The following DECR1 variants were observed in gnomAD, a reference collection of about 807,000 sequenced individuals.
The protein encoded by DECR1 is 2,4-dienoyl-CoA reductase 1, also known as 2,4-dienoyl-CoA reductase [(3E)-enoyl-CoA-producing], mitochondrial.
Under a neutral mutation model 38.8 loss-of-function variants are expected in DECR1, and 44 were observed. The observed-to-expected ratio is 1.13, with a 90% CI of 0.89 to 1.46. DECR1 has a LOEUF of 1.46. Among genes scored for constraint, DECR1 ranks in the 40% most tolerant of loss-of-function variants. DECR1 has a pLI of 0.00. For synonymous variants in DECR1, 148 were observed against 135.2 expected, an observed-to-expected ratio of 1.09 and a Z score of -0.66; for missense variants, 428 against 405.5, an observed-to-expected ratio of 1.06 and a Z score of -0.48.
In DECR1 at chr8:90,021,018, C is replaced by G; in HGVS notation, c.527C>G (p.Thr176Arg). 6.3e-7 allele frequency: 1 copy of G among 1,592,252 alleles called. No homozygotes were observed. The highest frequency in any genetic ancestry group is 1.4e-5 in the African/African-American group (1 of 73,648). Residue 176 changes from threonine to arginine, a missense_variant, in exon 5 of 10, where the codon ACA (threonine) becomes AGA (arginine). Transcript: ENST00000220764. Reference sequence around the variant, plus strand: ...GTTCTAAATGGCACAGCCTTCGTGACACTAGAAATTGGAAAACAACTAATT... The same window carrying G: ...GTTCTAAATGGCACAGCCTTCGTGAGACTAGAAATTGGAAAACAACTAATT... ...DIVLNGTAFV[T>R]LEIGKQLIKA...
At chr8:90,047,499 T>A (rs1483098498) in intron 8 of DECR1, among the ~76,000 whole-genome samples, 19 of 152,222 alleles carry the variant, frequency 1.2e-4, no homozygotes, top group African/African-American at 3.1e-4. Context: ...CTAAATATAT[T>A]TGCACCCAAT....
At chr8:90,038,120 G>A (rs1381157229) in intron 6 of DECR1, among the ~76,000 whole-genome samples, 1 of 152,124 alleles carries the variant, frequency 6.6e-6, no homozygotes, top group Non-Finnish European at 1.5e-5. Flanking sequence ...GATAGTGATG[G>A]AAATAGAACA....
chr8:90,002,476 A>C (rs1812641546), intron 1 of DECR1, among the ~76,000 whole-genome samples: 1 of 152,200 alleles, frequency 6.6e-6, no homozygotes, highest in African/African-American at 2.4e-5. Context: ...TAGGAAGAAG[A>C]AAGAGAAACA....
chr8:90,024,190 G>T (rs140358708), intron 5 of DECR1, among the ~76,000 whole-genome samples: 8 of 152,216 alleles, frequency 5.3e-5, no homozygotes, highest in Admixed American at 3.3e-4. Flanking sequence ...ATGTGCATAT[G>T]TCTTTATAGC....
intron 5 of DECR1, among the ~76,000 whole-genome samples, chr8:90,025,978 A>G (rs1813324845): frequency 6.6e-6 from 1 of 152,196 alleles, no homozygotes; most frequent in Non-Finnish European, 1.5e-5. Context: ...TATTGAGATA[A>G]TAATGTAGTT....
intron 6 of DECR1, 156 bp downstream of exon 6, chr8:90,037,096 A>T (rs971909069): frequency 1.7e-6 from 1 of 593,592 alleles, no homozygotes; most frequent in African/African-American, 1.9e-5. Flanking sequence ...GATAAGTCCT[A>T]TTTGTCTATA....
At chr8:90,033,446 G>A (rs1374621591) in intron 5 of DECR1, among the ~76,000 whole-genome samples, 2 of 152,074 alleles carry the variant, frequency 1.3e-5, no homozygotes, top group African/African-American at 4.8e-5. Flanking sequence ...TTTTCCATGA[G>A]CAGTTATTCT....
At chr8:90,029,196 C>T (rs1813431425) in intron 5 of DECR1, 2 of 152,118 alleles carry the variant, frequency 1.3e-5, no homozygotes, top group Admixed American at 1.3e-4. Context: ...ATAAAATATA[C>T]TTGATAATAA....
At chr8:90,005,207 G>A in intron 1 of DECR1, 1 of 398,610 alleles carries the variant, frequency 2.5e-6, no homozygotes, top group Non-Finnish European at 4.9e-6. Flanking sequence ...AGCGTGTGGA[G>A]ACGAGATCAG....
intron 5 of DECR1, among the ~76,000 whole-genome samples, chr8:90,035,393 C>T (rs1363950599): frequency 3.3e-5 from 5 of 150,686 alleles, no homozygotes; most frequent in African/African-American, 1.2e-4. Flanking sequence ...TTTTTTTTTC[C>T]CATTTGTCTT....
At chr8:90,012,254 G>T (rs539729511) in intron 1 of DECR1, among the ~76,000 whole-genome samples, 110 of 151,826 alleles carry the variant, frequency 7.2e-4, no homozygotes, top group Middle Eastern at 3.4e-3. Context: ...CTGGGTTCAA[G>T]AAATTCTCCT....
At chr8:90,047,359 CAAAA>C (rs200548004) in intron 8 of DECR1, among the ~76,000 whole-genome samples, 1 of 149,146 alleles carries the variant, frequency 6.7e-6, no homozygotes, top group Non-Finnish European at 1.5e-5. Context: ...AAATGGAAAA[CAAAA>C]AAAAAGCAGG....
chr8:90,017,029 T>G, intron 1 of DECR1, 95 bp from the exon 2 acceptor site: 1 of 793,188 alleles, frequency 1.3e-6, no homozygotes, highest in South Asian at 1.8e-5. Context: ...AATACAAGAA[T>G]TTGATTACTA....
chr8:90,049,841 G>A (rs969546953), intron 8 of DECR1, among the ~76,000 whole-genome samples: 9 of 152,104 alleles, frequency 5.9e-5, no homozygotes, highest in East Asian at 1.9e-4. Flanking sequence ...ATAGACCAAC[G>A]GAACAGAACA....
Position 90,044,985 on chromosome 8 carries a change from T to G in DECR1, c.875T>G (p.Ile292Ser), listed in dbSNP as rs762073849. ...AFLCSDYASW[I>S]NGAVIKFDGG... Reference sequence around the variant, plus strand: ...CTTTGTAGTGATTATGCTTCTTGGATTAATGGAGCAGTAAGCGTTGTTTAT... The same window carrying G: ...CTTTGTAGTGATTATGCTTCTTGGAGTAATGGAGCAGTAAGCGTTGTTTAT... Residue 292 changes from isoleucine to serine, a missense_variant, in exon 8 of 10, where the codon ATT becomes AGT. Transcript: ENST00000220764. The G allele has an allele frequency of 1.2e-6, 2 of 1,613,952 alleles. No homozygotes were observed. Among genetic ancestry groups the G allele is most frequent in the Admixed American group, 3.3e-5 (2 of 60,018 alleles).
intron 6 of DECR1, chr8:90,037,158 T>C: frequency 2.0e-6 from 1 of 504,818 alleles, no homozygotes; most frequent in Non-Finnish European, 3.5e-6. Context: ...TCTGTAAATA[T>C]GCACTATCCA....
chr8:90,013,450 A>G (rs1460739613), intron 1 of DECR1, among the ~76,000 whole-genome samples: 2 of 134,122 alleles, frequency 1.5e-5, no homozygotes, highest in East Asian at 4.9e-4. Context: ...GTTACTTACA[A>G]TAGGCATCTA....
chr8:90,030,600 G>T (rs1169655741), intron 5 of DECR1: 1 of 152,218 alleles, frequency 6.6e-6, no homozygotes, highest in Admixed American at 6.5e-5. Flanking sequence ...AAGATGACCA[G>T]TCATTGACAT....
intron 4 of DECR1, among the ~76,000 whole-genome samples, chr8:90,019,442 G>A (rs1327243659): frequency 6.6e-6 from 1 of 152,196 alleles, no homozygotes; most frequent in East Asian, 1.9e-4. Context: ...AATGTGCTGG[G>A]CATAGCAGTT....
Sources: gnomAD v4.1 joint callset for allele counts (sites outside exome capture counted in the v4.1 genomes callset) on GRCh38, gnomAD v4.1.1 for gene constraint, MANE v1.5 for transcripts, NCBI Gene and HGNC (gene_info 2026-07-23, HGNC 2026-07-21) for gene names.